The following SEMA6D variants were observed in gnomAD, a reference collection of about 807,000 sequenced individuals.
SEMA6D encodes semaphorin-6D.
SEMA6D carries 35 observed loss-of-function variants against 106.6 expected under a neutral mutation model. The ratio of observed to expected loss-of-function variants is 0.33; its 90% confidence interval spans 0.25 to 0.44. The LOEUF (loss-of-function observed/expected upper bound fraction) is 0.44. Ranked by LOEUF, SEMA6D falls within the 20% of genes least tolerant of loss-of-function variation. The pLI, the probability that SEMA6D is intolerant of heterozygous loss-of-function variation, is 1.00. For missense variants in SEMA6D, 1,185 were observed against 1,345.9 expected, an observed-to-expected ratio of 0.88 and a Z score of 1.87; for synonymous variants, 499 against 487.7, an observed-to-expected ratio of 1.02 and a Z score of -0.31.
At position 47,760,119 on chromosome 15, in the gene SEMA6D, T is replaced by C. The variant is rs151148008; in HGVS notation, c.110-185T>C. On this transcript the variant is annotated intron_variant, in intron 2 of 18. Coordinates refer to ENST00000536845, the MANE Select transcript of SEMA6D (RefSeq NM_001358351.3). ...TCTACAGCAACCTGTATATAGGTTA[T>C]ATATTTTGAGTTAAAAAGACCATTT... 82 of 591,720 alleles carry C rather than the reference T, an allele frequency of 1.4e-4. No individual in the cohort carries two copies. The East Asian group carries it at 1.6e-3, about 12-fold the overall frequency. 36.7% of individuals were successfully genotyped at this position (591,720 alleles called of 1,614,324 possible). A position where few individuals can be genotyped will look rare whatever the true frequency, so the allele number is the denominator to read the frequency against.
At chr15:47,246,156 G>A (rs2033184487) in intron 1 of SEMA6D, among the ~76,000 whole-genome samples, 1 of 152,162 alleles carries the variant, frequency 6.6e-6, no homozygotes. Context: ...AATAAAAAAT[G>A]TATAGTGAGT....
At chr15:47,494,436 A>T (rs1249736197) in intron 3 of SEMA6D, among the ~76,000 whole-genome samples, 1 of 151,940 alleles carries the variant, frequency 6.6e-6, no homozygotes, top group Non-Finnish European at 1.5e-5. Flanking sequence ...GTCCTAAAGA[A>T]ATTTCTAAGC....
chr15:47,436,768 A>AAAAAATATATATATAT (rs1302309417), intron 2 of SEMA6D, among the ~76,000 whole-genome samples: 1 of 125,402 alleles, frequency 8.0e-6, no homozygotes, highest in African/African-American at 3.0e-5. Context: ...TAAAAAAAAA[A>AAAAAATATATATATAT]ATATATATAT....
intron 3 of SEMA6D, among the ~76,000 whole-genome samples, chr15:47,552,907 A>AATATATATAAATATATATATATTTTT (rs2045799204): frequency 2.2e-4 from 5 of 22,798 alleles, no homozygotes; most frequent in East Asian, 9.7e-4. Flanking sequence ...TATATATATA[A>AATATATATAAATATATATATATTTTT]ATATATATAT....
In SEMA6D at chr15:47,770,961, G is replaced by C. The variant is rs1343852995; in HGVS notation, c.2398G>C (p.Ala800Pro). 1.2e-6 allele frequency: 2 copies of C among 1,614,066 alleles called. No homozygotes were observed. The highest frequency in any genetic ancestry group is 2.7e-5 in the African/African-American group (2 of 75,022). Reference sequence around the variant, plus strand: ...CTCAGAAAAGGCCCATGGCCATGGAGCTTCAAGGAAAGAAACCCCTCAGTT... The same window carrying C: ...CTCAGAAAAGGCCCATGGCCATGGACCTTCAAGGAAAGAAACCCCTCAGTT... The part of the protein sequence containing the change: ...SHSEKAHGHG[A>P]SRKETPQFFP... The change falls in exon 19 of 19, where the codon GCT becomes CCT. Residue 800 changes from alanine to proline, a missense_variant. Ala to Pro is a conservative substitution (Grantham distance 27). Around this residue, in one of 3 missense-constraint regions of SEMA6D, gnomAD observed 750 missense variants for 783.5 expected, o/e 0.96. Transcript: ENST00000536845.
intron 2 of SEMA6D, among the ~76,000 whole-genome samples, chr15:47,445,291 T>G (rs1273590355): frequency 2.0e-5 from 3 of 152,090 alleles, no homozygotes; most frequent in African/African-American, 7.2e-5. Flanking sequence ...CCAGGTTTGC[T>G]GGGGGACCTC....
chr15:47,260,883 C>T (rs1261677564), intron 1 of SEMA6D, among the ~76,000 whole-genome samples: 2 of 152,182 alleles, frequency 1.3e-5, no homozygotes, highest in Admixed American at 1.3e-4. Context: ...GTAAGCCTAA[C>T]TGGCTACCTT....
At chr15:47,511,118 C>A (rs2044215518) in intron 3 of SEMA6D, among the ~76,000 whole-genome samples, 1 of 152,160 alleles carries the variant, frequency 6.6e-6, no homozygotes, top group Non-Finnish European at 1.5e-5. Context: ...TTCAATTACA[C>A]ATGCTGTTGT....
intron 1 of SEMA6D, among the ~76,000 whole-genome samples, chr15:47,311,147 T>A (rs191669324): frequency 2.0e-4 from 30 of 152,342 alleles, no homozygotes; most frequent in Admixed American, 8.5e-4. Context: ...GGAGACTGAC[T>A]TTTGTTGCAT....
intron 1 of SEMA6D, among the ~76,000 whole-genome samples, chr15:47,350,660 G>A (rs759972853): frequency 9.9e-5 from 15 of 152,108 alleles, no homozygotes; most frequent in Non-Finnish European, 1.9e-4. Flanking sequence ...ATTAAAAATG[G>A]TAAAGCTTCA....
intron 4 of SEMA6D, among the ~76,000 whole-genome samples, chr15:47,655,448 A>G (rs12148478): frequency 0.19 from 29,578 of 152,306 alleles, 3,648 homozygotes; most frequent in Non-Finnish European, 0.27. Context: ...AGAAAATAAT[A>G]TGTATATGTG....
At chr15:47,302,004 A>G (rs1209482445) in intron 1 of SEMA6D, among the ~76,000 whole-genome samples, 1 of 152,242 alleles carries the variant, frequency 6.6e-6, no homozygotes, top group East Asian at 1.9e-4. Context: ...TGACAATCAC[A>G]AAAACAGCAA....
At chr15:47,246,295 A>C (rs897604018) in intron 1 of SEMA6D, among the ~76,000 whole-genome samples, 3 of 152,102 alleles carry the variant, frequency 2.0e-5, no homozygotes, top group Non-Finnish European at 4.4e-5. Context: ...AAAACATAGG[A>C]TTATTAGAGC....
At chr15:47,664,469 C>G (rs1028556592) in intron 4 of SEMA6D, among the ~76,000 whole-genome samples, 1 of 151,566 alleles carries the variant, frequency 6.6e-6, no homozygotes, top group African/African-American at 2.4e-5. Flanking sequence ...CCACACTGCA[C>G]TGTGAACTGA....
At chr15:47,651,789 G>A (rs1012780538) in intron 4 of SEMA6D, among the ~76,000 whole-genome samples, 1 of 152,204 alleles carries the variant, frequency 6.6e-6, no homozygotes, top group Non-Finnish European at 1.5e-5. Context: ...ACTGTTGAGA[G>A]TAACATTTCC....
At chr15:47,549,326 G>A (rs1418246880) in intron 3 of SEMA6D, among the ~76,000 whole-genome samples, 1 of 152,176 alleles carries the variant, frequency 6.6e-6, no homozygotes, top group Non-Finnish European at 1.5e-5. Flanking sequence ...CAGAAGTGAA[G>A]ATGTGACCCT....
At chr15:47,258,800 A>T (rs2033933234) in intron 1 of SEMA6D, among the ~76,000 whole-genome samples, 1 of 151,624 alleles carries the variant, frequency 6.6e-6, no homozygotes, top group Non-Finnish European at 1.5e-5. Flanking sequence ...TATACATAAC[A>T]CTTGGCTCTG....
chr15:47,393,948 A>G (rs281300), intron 1 of SEMA6D, among the ~76,000 whole-genome samples: 32,249 of 152,180 alleles, frequency 0.21, 4,241 homozygotes, highest in African/African-American at 0.37. Flanking sequence ...TCATAAGGAC[A>G]CTGAGATTCA....
chr15:47,730,072 A>C, intron 1 of SEMA6D: 1 of 709,468 alleles, frequency 1.4e-6, no homozygotes, highest in East Asian at 2.8e-5. Context: ...AGTTTAGTTT[A>C]GTTTAGTTTT....
Sources: gnomAD v4.1 joint callset for allele counts (sites outside exome capture counted in the v4.1 genomes callset) on GRCh38, gnomAD v4.1.1 for gene constraint, gnomAD v4.1.1 regional missense constraint, MANE v1.5 for transcripts, NCBI Gene and HGNC (gene_info 2026-07-23, HGNC 2026-07-21) for gene names.